The following MECOM variants were observed in gnomAD, a reference collection of about 807,000 sequenced individuals.
The protein encoded by MECOM is histone-lysine N-methyltransferase MECOM.
In MECOM, 13 loss-of-function variants were observed where a neutral mutation model predicts 116.3. The ratio of observed to expected loss-of-function variants is 0.11; its 90% CI spans 0.07 to 0.18. MECOM has a LOEUF of 0.18. MECOM is among the 10% of genes least tolerant of loss of function. The probability of loss-of-function intolerance (pLI) is 1.00; values close to 1 mark genes in which losing one functional copy is unlikely to be tolerated. For missense variants in MECOM, 1,299 were observed against 1,509.0 expected, an observed-to-expected ratio of 0.86 and a Z score of 2.31; for synonymous variants, 528 against 535.2, an observed-to-expected ratio of 0.99 and a Z score of 0.19.
At chr3:169,534,896 T>C (rs755420082) in intron 1 of MECOM, among the ~76,000 whole-genome samples, 2 of 152,148 alleles carry the variant, frequency 1.3e-5, no homozygotes, top group Non-Finnish European at 2.9e-5. Context: ...TACCTCGGAG[T>C]GTGACCAAGT....
intron 2 of MECOM, among the ~76,000 whole-genome samples, chr3:169,256,354 A>AC (rs1311676987): frequency 3.3e-5 from 5 of 152,126 alleles, no homozygotes; most frequent in African/African-American, 1.2e-4. Context: ...AAAAAAAAAA[A>AC]AACAGTCTGC....
intron 1 of MECOM, among the ~76,000 whole-genome samples, chr3:169,641,088 C>T (rs927298829): frequency 8.5e-5 from 13 of 152,160 alleles, no homozygotes; most frequent in African/African-American, 3.1e-4. Flanking sequence ...TGCTAAGGGC[C>T]ACCCTAAGAT....
In MECOM at chr3:169,427,101, T is replaced by C. The variant is rs183780235; in HGVS notation, c.38-45577A>G. Among the ~76,000 whole-genome samples, 643 of 152,246 alleles carry C rather than the reference T, an allele frequency of 4.2e-3. 3 individuals are homozygous for C. Among genetic ancestry groups the C allele is most frequent in the Non-Finnish European group, 6.5e-3 (441 of 68,002 alleles). On this transcript the variant is annotated intron_variant, in intron 1 of 16. Transcript: ENST00000651503. The stretch of plus-strand genomic sequence containing the variant: ...GGTATGAATTCTTTTTTAAAGCCTC[T>C]TCGAGCTTTTTATAATTATTGGTAT...
At chr3:169,211,563 A>G (rs186915342) in intron 2 of MECOM, among the ~76,000 whole-genome samples, 50 of 152,196 alleles carry the variant, frequency 3.3e-4, no homozygotes, top group Non-Finnish European at 5.7e-4. Flanking sequence ...ATGCTCTTTC[A>G]CAGATTTGCA....
At chr3:169,264,485 C>T (rs899058430) in intron 2 of MECOM, among the ~76,000 whole-genome samples, 3 of 152,018 alleles carry the variant, frequency 2.0e-5, no homozygotes, top group Admixed American at 6.6e-5. Flanking sequence ...TAAAAAAAAG[C>T]GAAGTATCAA....
intron 1 of MECOM, among the ~76,000 whole-genome samples, chr3:169,494,867 T>G (rs1753626744): frequency 6.6e-6 from 1 of 152,208 alleles, no homozygotes; most frequent in Admixed American, 6.5e-5. Flanking sequence ...TTCACCTTCA[T>G]CCTTATCATT....
At chr3:169,188,174 T>A (rs1747022160) in intron 2 of MECOM, among the ~76,000 whole-genome samples, 1 of 152,100 alleles carries the variant, frequency 6.6e-6, no homozygotes, top group South Asian at 2.1e-4. Flanking sequence ...GACAACCTTT[T>A]TTCCTTTGAG....
intron 7 of MECOM, 58 bp downstream of exon 7, chr3:169,120,998 A>C: frequency 6.5e-7 from 1 of 1,539,440 alleles, no homozygotes; most frequent in African/African-American, 1.4e-5. Context: ...TCCTGGTCAC[A>C]GTGCCTTTTG....
chr3:169,439,299 T>A (rs1051650777), intron 1 of MECOM, among the ~76,000 whole-genome samples: 1 of 147,600 alleles, frequency 6.8e-6, no homozygotes, highest in Admixed American at 6.8e-5. Context: ...AAAATATACA[T>A]AATTAACTAA....
chr3:169,604,922 C>T (rs1323360954), intron 1 of MECOM, among the ~76,000 whole-genome samples: 1 of 152,138 alleles, frequency 6.6e-6, no homozygotes, highest in East Asian at 1.9e-4. Context: ...TGTCTTCATA[C>T]CCATCGCAGC....
At chr3:169,338,178 C>T (rs1723890816) in intron 2 of MECOM, among the ~76,000 whole-genome samples, 1 of 152,190 alleles carries the variant, frequency 6.6e-6, no homozygotes, top group South Asian at 2.1e-4. Context: ...GCTGTTTCAA[C>T]TGCCAGGAAC....
intron 1 of MECOM, among the ~76,000 whole-genome samples, chr3:169,598,653 G>A (rs957402640): frequency 6.6e-6 from 1 of 152,188 alleles, no homozygotes; most frequent in African/African-American, 2.4e-5. Flanking sequence ...TTCATAAAGG[G>A]GGGTAATGAT....
intron 2 of MECOM, among the ~76,000 whole-genome samples, chr3:169,163,642 T>C (rs529521137): frequency 9.9e-5 from 15 of 152,098 alleles, no homozygotes; most frequent in Non-Finnish European, 1.8e-4. Flanking sequence ...CTGGTAGGTA[T>C]TAAAAATGGG....
intron 1 of MECOM, among the ~76,000 whole-genome samples, chr3:169,533,576 A>ATTTTTTTTTTTTTTTTTTTT (rs57279349): frequency 7.1e-5 from 6 of 85,090 alleles, no homozygotes; most frequent in Non-Finnish European, 7.3e-5. Flanking sequence ...CCCAGTGCTG[A>ATTTTTTTTTTTTTTTTTTTT]TTTTTTTTTT....
intron 1 of MECOM, among the ~76,000 whole-genome samples, chr3:169,595,994 T>C (rs975108908): frequency 6.6e-6 from 1 of 152,182 alleles, no homozygotes; most frequent in Non-Finnish European, 1.5e-5. Flanking sequence ...TGTTTATATT[T>C]TTCTGTTTTG....
chr3:169,475,204 T>C (rs1672389361), intron 1 of MECOM, among the ~76,000 whole-genome samples: 1 of 152,216 alleles, frequency 6.6e-6, no homozygotes, highest in Admixed American at 6.5e-5. Context: ...AGACAATTTG[T>C]GCTCTTATTT....
At chr3:169,125,156 A>C (rs1732404737) in intron 5 of MECOM, among the ~76,000 whole-genome samples, 1 of 152,140 alleles carries the variant, frequency 6.6e-6, no homozygotes, top group Admixed American at 6.6e-5. Flanking sequence ...AACAAAAGGT[A>C]CTAGGAGAGT....
chr3:169,472,613 GAAAGAAAAGA>G (rs772494863), intron 1 of MECOM, among the ~76,000 whole-genome samples: 14 of 47,968 alleles, frequency 2.9e-4, no homozygotes, highest in Non-Finnish European at 4.6e-4. Flanking sequence ...GAAAGGAAAG[GAAAGAAAAGA>G]AAAGAAAAGA....
chr3:169,260,401 AC>A (rs1347956046), intron 2 of MECOM, among the ~76,000 whole-genome samples: 2 of 152,020 alleles, frequency 1.3e-5, no homozygotes, highest in African/African-American at 4.8e-5. Context: ...TTAATCTCTG[AC>A]AGGCGTTTCT....
Sources: allele counts gnomAD v4.1 joint callset (sites outside exome capture counted in the v4.1 genomes callset), GRCh38; gene constraint gnomAD v4.1.1; transcripts MANE v1.5; gene names NCBI Gene and HGNC (gene_info 2026-07-23, HGNC 2026-07-21).